MCC: variants seen among roughly 807,000 people sequenced by gnomAD.
The protein encoded by MCC is colorectal mutant cancer protein.
Under a neutral mutation model 116.2 loss-of-function variants are expected in MCC, and 90 were observed. That is an observed-to-expected ratio of 0.77 (90% confidence interval 0.65 to 0.92). The LOEUF is 0.92. Among genes scored for constraint, MCC ranks in the 40% least tolerant of loss-of-function variants. The pLI is 0.00. For missense variants in MCC, 1,516 were observed against 1,312.2 expected, an observed-to-expected ratio of 1.16 and a Z score of -2.40; for synonymous variants, 578 against 510.5, an observed-to-expected ratio of 1.13 and a Z score of -1.78.
intron 2 of MCC, among the ~76,000 whole-genome samples, chr5:113,377,526 C>A (rs562606550): frequency 2.2e-4 from 33 of 152,248 alleles, no homozygotes; most frequent in Middle Eastern, 3.4e-3. Context: ...CTGAAATCAA[C>A]AGCTTGCAGG....
chr5:113,143,594 G>C (rs911246227), intron 4 of MCC, among the ~76,000 whole-genome samples: 1 of 152,140 alleles, frequency 6.6e-6, no homozygotes, highest in Non-Finnish European at 1.5e-5. Flanking sequence ...CTCTCTTTGG[G>C]AAACAGTCCC....
intron 2 of MCC, among the ~76,000 whole-genome samples, chr5:113,358,766 T>C (rs1364957484): frequency 1.3e-5 from 2 of 152,224 alleles, no homozygotes; most frequent in Non-Finnish European, 2.9e-5. Context: ...TATTTACTAT[T>C]TCTAGATAAT....
intron 3 of MCC, among the ~76,000 whole-genome samples, chr5:113,265,464 G>A (rs937126086): frequency 2.6e-5 from 4 of 152,134 alleles, no homozygotes; most frequent in African/African-American, 7.2e-5. Context: ...ACTTAGTCCC[G>A]TACTTAGAAT....
chr5:113,035,498 A>C (rs1751269953), intron 17 of MCC, among the ~76,000 whole-genome samples: 2 of 152,086 alleles, frequency 1.3e-5, no homozygotes, highest in African/African-American at 4.8e-5. Context: ...CCTTTCACCT[A>C]CACGTGGAAT....
intron 3 of MCC, among the ~76,000 whole-genome samples, chr5:113,204,115 C>T (rs1762808754): frequency 6.6e-6 from 1 of 152,146 alleles, no homozygotes; most frequent in South Asian, 2.1e-4. Context: ...CAAACACGGT[C>T]AAGGAGATGA....
chr5:113,077,175 C>T (rs911226832), intron 11 of MCC, among the ~76,000 whole-genome samples: 2 of 152,132 alleles, frequency 1.3e-5, no homozygotes, highest in African/African-American at 4.8e-5. Flanking sequence ...TAGAGACCTA[C>T]AAAGAGACTT....
chr5:113,318,955 C>G (rs1289976197), intron 3 of MCC, among the ~76,000 whole-genome samples: 1 of 152,154 alleles, frequency 6.6e-6, no homozygotes, highest in African/African-American at 2.4e-5. Flanking sequence ...CAACCTCCAC[C>G]TCCTGGGCTC....
chr5:113,356,151 C>T (rs1768406771), intron 2 of MCC, among the ~76,000 whole-genome samples: 1 of 150,158 alleles, frequency 6.7e-6, no homozygotes, highest in Admixed American at 6.7e-5. Context: ...TAGCATCCAA[C>T]TCCTGAGCTC....
intron 2 of MCC, among the ~76,000 whole-genome samples, chr5:113,346,538 C>T (rs543918156): frequency 3.3e-4 from 50 of 151,740 alleles, no homozygotes; most frequent in African/African-American, 9.9e-4. Flanking sequence ...AGGTGGAAGT[C>T]GCAGCGAGCC....
chr5:113,345,898 G>A (rs569605552), intron 2 of MCC, among the ~76,000 whole-genome samples: 2 of 152,272 alleles, frequency 1.3e-5, no homozygotes, highest in Admixed American at 6.5e-5. Context: ...AGCCATCAGG[G>A]ACTAATCCTG....
chr5:113,335,602 A>G (rs1581408242), intron 3 of MCC, among the ~76,000 whole-genome samples: 1 of 151,864 alleles, frequency 6.6e-6, no homozygotes, highest in South Asian at 2.1e-4. Flanking sequence ...ATCTTTGTAG[A>G]AAAAATCTAT....
At chr5:113,160,676 G>A (rs1001624589) in intron 3 of MCC, among the ~76,000 whole-genome samples, 41 of 152,220 alleles carry the variant, frequency 2.7e-4, no homozygotes, top group Admixed American at 1.8e-3. Flanking sequence ...TGAGAAGAAA[G>A]ATCTCAGAGG....
intron 3 of MCC, among the ~76,000 whole-genome samples, chr5:113,208,351 A>G (rs1279954817): frequency 6.6e-6 from 1 of 152,184 alleles, no homozygotes; most frequent in African/African-American, 2.4e-5. Flanking sequence ...GACAAGACTG[A>G]TTCCTTTCTA....
At chr5:113,484,134 T>G (rs1772452620) in intron 1 of MCC, among the ~76,000 whole-genome samples, 1 of 152,050 alleles carries the variant, frequency 6.6e-6, no homozygotes, top group African/African-American at 2.4e-5. Context: ...CTAGGCTTAG[T>G]ATCCATAACT....
intron 3 of MCC, among the ~76,000 whole-genome samples, chr5:113,307,185 A>G (rs1056375497): frequency 6.6e-6 from 1 of 152,178 alleles, no homozygotes; most frequent in Non-Finnish European, 1.5e-5. Context: ...TATTGTGCCA[A>G]GTAGACAGAT....
chr5:113,431,339 A>G (rs1770637621), intron 1 of MCC, among the ~76,000 whole-genome samples: 1 of 152,166 alleles, frequency 6.6e-6, no homozygotes, highest in Admixed American at 6.5e-5. Context: ...GGATGCCAGA[A>G]GTCTAAGATA....
At chr5:113,174,248 C>T (rs1761213594) in intron 3 of MCC, among the ~76,000 whole-genome samples, 2 of 152,136 alleles carry the variant, frequency 1.3e-5, no homozygotes, top group Admixed American at 1.3e-4. Flanking sequence ...ATGTTCCCAA[C>T]CTGTCTTCTT....
chr5:113,480,756 A>G (rs1306898036), intron 1 of MCC, among the ~76,000 whole-genome samples: 1 of 152,136 alleles, frequency 6.6e-6, no homozygotes, highest in East Asian at 1.9e-4. Context: ...GATTTGGAAG[A>G]TTTGGATTTC....
At chr5:113,074,109 C>A (rs1340439099) in intron 11 of MCC, among the ~76,000 whole-genome samples, 1 of 152,206 alleles carries the variant, frequency 6.6e-6, no homozygotes, top group African/African-American at 2.4e-5. Context: ...CCCTGAGTAG[C>A]CTAACTGGGA....
Sources: gnomAD v4.1 joint callset for allele counts (sites outside exome capture counted in the v4.1 genomes callset) on GRCh38, gnomAD v4.1.1 for gene constraint, MANE v1.5 for transcripts, NCBI Gene and HGNC (gene_info 2026-07-23, HGNC 2026-07-21) for gene names.